The following NPIPA9 variants were observed in gnomAD, a reference collection of about 807,000 sequenced individuals.
NPIPA9 encodes nuclear pore complex interacting protein family member A9.
chr16:18,364,958 C>A (rs1240950344), intron 4 of NPIPA9, among the ~76,000 whole-genome samples: 2 of 1,674 alleles, frequency 1.2e-3, no homozygotes, highest in East Asian at 5.1e-3. Flanking sequence ...CACACACACA[C>A]ACACACACAC....
rs1349702172 is a variant in NPIPA9 at position 18,375,079 on chromosome 16, A to G, written c.-307-10T>C. On this transcript the variant is annotated splice_polypyrimidine_tract_variant and intron_variant, in intron 1 of 9. Coordinates refer to ENST00000427999, the Ensembl canonical transcript of NPIPA9. ...TCGGGCTCCCAGCCACCTGCAGGACAAGGGCAGTGGTCAGCGGGCGGCAGC... is the reference window on the plus strand; with the variant it reads ...TCGGGCTCCCAGCCACCTGCAGGACGAGGGCAGTGGTCAGCGGGCGGCAGC... The G allele has an allele frequency of 2.5e-4, 180 of 730,484 alleles. 25 individuals are homozygous for G. The highest frequency in any genetic ancestry group is 1.4e-3 in the South Asian group (85 of 58,674). The allele number at this position is 730,484 out of a possible 1,614,324, so 45.3% of individuals were successfully genotyped here. A position where few individuals can be genotyped will look rare whatever the true frequency, so the allele number is the denominator to read the frequency against.
At chr16:18,364,905 C>A (rs1370752424) in intron 4 of NPIPA9, among the ~76,000 whole-genome samples, 5 of 131,498 alleles carry the variant, frequency 3.8e-5, no homozygotes, top group African/African-American at 9.6e-5. Context: ...CACACCACTG[C>A]ACTCCAGCCT....
chr16:18,375,305 T>A (rs1900591582), intron 1 of NPIPA9, among the ~76,000 whole-genome samples: 1 of 148,218 alleles, frequency 6.7e-6, no homozygotes, highest in Admixed American at 6.8e-5. Flanking sequence ...AATTTCATTT[T>A]TTTTTTTTTT....
rs1163695820 is a variant in NPIPA9, at chr16:18,374,492, A to G, written c.-70+340T>C. ...CCTAGATTTCGGTTGTGTTGGTTGT[A>G]AAAGGAGAGACCCAGTAAGTGGGGG... is the stretch of plus-strand genomic sequence containing the variant. On this transcript the variant is annotated intron_variant, in intron 2 of 9. Coordinates refer to ENST00000427999, the Ensembl canonical transcript of NPIPA9. 1.2e-5 allele frequency: 9 copies of G among 728,148 alleles called. 1 individual carries two copies. The African/African-American group carries it at 1.8e-4, about 14-fold the overall frequency. 45.1% of individuals were successfully genotyped at this position (728,148 alleles called of 1,614,324 possible).
intron 1 of NPIPA9, among the ~76,000 whole-genome samples, chr16:18,375,407 C>T (rs1173054978): frequency 2.9e-5 from 4 of 138,302 alleles, no homozygotes; most frequent in South Asian, 2.3e-4. Flanking sequence ...GGCGATTGTC[C>T]GTCCTGGCTC....
In NPIPA9 at chr16:18,371,454, A is replaced by G. The variant is rs1386587054; in HGVS notation, c.63+1269T>C. Reference sequence around the variant, plus strand: ...GCGACAGAATGAGACTCTGTCTTAAAAAAAAAAAAAAAAAAAAAAAAAAGT... The same window carrying G: ...GCGACAGAATGAGACTCTGTCTTAAGAAAAAAAAAAAAAAAAAAAAAAAGT... On this transcript the variant is annotated intron_variant, in intron 3 of 9. Coordinates refer to ENST00000427999, the Ensembl canonical transcript of NPIPA9. Among the ~76,000 whole-genome samples the G allele has an allele frequency of 1.5e-5, 2 of 129,192 alleles. 1 individual carries two copies. The highest frequency in any genetic ancestry group is 3.4e-5 in the Non-Finnish European group (2 of 59,596). 84.8% of individuals were successfully genotyped at this position (129,192 alleles called of 152,430 possible).
chr16:18,375,294 A>C (rs1411090064), intron 1 of NPIPA9, among the ~76,000 whole-genome samples: 57 of 147,222 alleles, frequency 3.9e-4, no homozygotes, highest in Admixed American at 6.2e-4. Context: ...ACAGAGTTTT[A>C]AATTTCATTT....
intron 4 of NPIPA9, among the ~76,000 whole-genome samples, chr16:18,365,002 T>A (rs1360514880): frequency 7.5e-6 from 1 of 132,536 alleles, no homozygotes; most frequent in East Asian, 2.1e-4. Flanking sequence ...GAGGCTGGCA[T>A]GGTGGCTCAC....
At chr16:18,375,328 GCT>G (rs1218999743) in intron 1 of NPIPA9, among the ~76,000 whole-genome samples, 1 of 147,174 alleles carries the variant, frequency 6.8e-6, no homozygotes, top group Non-Finnish European at 1.5e-5. Context: ...ATGGAGTCTC[GCT>G]CTGTCACCCA....
chr16:18,371,493 G>A (rs1411900619), intron 3 of NPIPA9, among the ~76,000 whole-genome samples: 1 of 119,404 alleles, frequency 8.4e-6, no homozygotes, highest in Non-Finnish European at 1.8e-5. Flanking sequence ...CAAACCAGAT[G>A]ACACAAATGA....
intron 4 of NPIPA9, among the ~76,000 whole-genome samples, chr16:18,365,137 G>A (rs1283992285): frequency 3.6e-5 from 3 of 83,162 alleles, no homozygotes; most frequent in Non-Finnish European, 6.7e-5. Context: ...AGCCAGGCAT[G>A]GTGGTGCATG....
intron 4 of NPIPA9, among the ~76,000 whole-genome samples, chr16:18,365,195 A>C (rs1382359138): frequency 1.3e-5 from 1 of 79,896 alleles, no homozygotes; most frequent in Non-Finnish European, 2.4e-5. Context: ...AATCACTTGA[A>C]CCCAGCAGGA....
In NPIPA9 at chr16:18,371,366, T is replaced by G. The variant is rs1163551127; in HGVS notation, c.63+1357A>C. 6.0e-5 allele frequency: 10 copies of G among 165,616 alleles called. No homozygotes were observed. In the East Asian group the frequency reaches 1.6e-3, roughly 26 times the overall value. The allele number at this position is 165,616 out of a possible 1,614,324, so 10.3% of individuals were successfully genotyped here. On this transcript the variant is annotated intron_variant, in intron 3 of 9. Coordinates refer to ENST00000427999, the Ensembl canonical transcript of NPIPA9. ...GCTCAGGAGGCTGAGGCAGGACCAT[T>G]GCTTGAACCCCGGAAGCGGAGGTTG...
At chr16:18,375,382 C>T (rs1260343361) in intron 1 of NPIPA9, among the ~76,000 whole-genome samples, 1 of 145,176 alleles carries the variant, frequency 6.9e-6, no homozygotes, top group Non-Finnish European at 1.5e-5. Context: ...CTGCAACCTC[C>T]ACCTCCCGCG....
At chr16:18,375,436 G>T (rs1448054373) in intron 1 of NPIPA9, among the ~76,000 whole-genome samples, 50 of 138,300 alleles carry the variant, frequency 3.6e-4, no homozygotes, top group African/African-American at 1.1e-3. Flanking sequence ...TAGTAGCTGG[G>T]ATTACAGGTG....
At chr16:18,363,723 CT>C (rs1193757904) in intron 6 of NPIPA9, among the ~76,000 whole-genome samples, 1 of 15,752 alleles carries the variant, frequency 6.3e-5, no homozygotes, top group Non-Finnish European at 1.2e-4. Flanking sequence ...AATCCCAGCA[CT>C]TTGGGAGGCT....
In NPIPA9 at chr16:18,374,984, G is replaced by A. The variant is rs1298519059; in HGVS notation, c.-222C>T. On this transcript the variant is annotated 5_prime_UTR_variant, in exon 2 of 10. Coordinates refer to ENST00000427999, the Ensembl canonical transcript of NPIPA9. ...GTGGAGGCCTGAGAACGTGAGGAAG[G>A]AGCTGTCCAGCACGGATGAGTCCAG... 2.2e-5 allele frequency: 13 copies of A among 584,190 alleles called. 3 individuals are homozygous for A. Among genetic ancestry groups the A allele is most frequent in the Non-Finnish European group, 2.9e-5 (10 of 341,724 alleles). 36.2% of individuals were successfully genotyped at this position (584,190 alleles called of 1,614,324 possible). A position where few individuals can be genotyped will look rare whatever the true frequency, so the allele number is the denominator to read the frequency against.
chr16:18,363,492 C>T (rs1363670765), intron 6 of NPIPA9, among the ~76,000 whole-genome samples: 1 of 108,540 alleles, frequency 9.2e-6, no homozygotes, highest in Non-Finnish European at 1.8e-5. Flanking sequence ...GAGACTCTGT[C>T]TCAAAAAAAA....
At chr16:18,364,973 C>G (rs1297081674) in intron 4 of NPIPA9, among the ~76,000 whole-genome samples, 1 of 136,596 alleles carries the variant, frequency 7.3e-6, no homozygotes, top group Non-Finnish European at 1.6e-5. Flanking sequence ...ACACACAACA[C>G]AACACACAAG....
Sources: allele counts gnomAD v4.1 joint callset (sites outside exome capture counted in the v4.1 genomes callset), GRCh38; gene constraint gnomAD v4.1.1; transcripts MANE v1.5; gene names NCBI Gene and HGNC (gene_info 2026-07-23, HGNC 2026-07-21).